ZIC4: variants seen among roughly 807,000 people sequenced by gnomAD.
ZIC4 encodes Zic family zinc finger 4.
In ZIC4, 15 loss-of-function variants were observed where a neutral mutation model predicts 28.8. The observed-to-expected ratio is 0.52, with a 90% CI of 0.35 to 0.80. ZIC4 has a LOEUF of 0.80. ZIC4 is among the 30% of genes least tolerant of loss of function. ZIC4 has a pLI of 0.01. For missense variants in ZIC4, 512 were observed against 467.1 expected, an observed-to-expected ratio of 1.10 and a Z score of -0.89; for synonymous variants, 220 against 198.1, an observed-to-expected ratio of 1.11 and a Z score of -0.93.
chr3:147,400,662 G>GCTT (rs2087146709), intron 2 of ZIC4, among the ~76,000 whole-genome samples: 8 of 152,336 alleles, frequency 5.3e-5, no homozygotes, highest in African/African-American at 1.9e-4. Context: ...ATTACATAAG[G>GCTT]ATCTTCAAGG....
Position 147,395,939 on chromosome 3 carries a change from C to T in ZIC4, c.601G>A (p.Glu201Lys), listed in dbSNP as rs1245856033. ...GGGAAAGGACAAGGGAAGGGCTTCT[C>T]GCCCGTGTGCACGCGGATGTGATTT... is the stretch of plus-strand genomic sequence containing the variant. Reference protein sequence around the residue: ...LVNHIRVHTGEKPFPCPFPGC... With the variant: ...LVNHIRVHTGKKPFPCPFPGC... Residue 201 changes from glutamate to lysine, a missense_variant, in exon 3 of 5, where the codon GAG becomes AAG. This residue lies in a region of ZIC4 where 58 missense variants were observed against 93.8 expected (regional missense o/e 0.62). Coordinates refer to ENST00000383075, the MANE Select transcript of ZIC4 (RefSeq NM_032153.6). 6.2e-7 allele frequency: 1 copy of T among 1,614,118 alleles called. No homozygotes were observed. Among genetic ancestry groups the T allele is most frequent in the Non-Finnish European group, 8.5e-7 (1 of 1,180,058 alleles).
intron 2 of ZIC4, among the ~76,000 whole-genome samples, chr3:147,398,011 G>A (rs1455085256): frequency 6.6e-6 from 1 of 152,096 alleles, no homozygotes; most frequent in Non-Finnish European, 1.5e-5. Context: ...CCTGACCAGG[G>A]ACGGGATTAG....
intron 3 of ZIC4, 167 bp from the exon 4 acceptor site, chr3:147,391,413 GA>G: frequency 1.2e-6 from 1 of 855,362 alleles, no homozygotes; most frequent in Non-Finnish European, 1.7e-6. Flanking sequence ...CTCGTGCAGA[GA>G]GCGCCCCCGG....
chr3:147,389,859 C>A lies in ZIC4; in HGVS notation c.*-1000G>T, dbSNP rs529584081. ...CGAATTGACGCAATTCACCCAGACACGGCCGCCTAGGTCAGGTCTCTCCAC... is the reference window on the plus strand; with the variant it reads ...CGAATTGACGCAATTCACCCAGACAAGGCCGCCTAGGTCAGGTCTCTCCAC... On this transcript the variant is annotated intron_variant, in intron 4 of 4. Transcript: ENST00000383075. 8.5e-5 allele frequency among the ~76,000 whole-genome samples: 13 copies of A among 152,272 alleles called. No individual in the cohort carries two copies. The South Asian group carries it at 2.5e-3, about 29-fold the overall frequency.
chr3:147,403,948 A>AG (rs1288943654), intron 1 of ZIC4: 2 of 1,534,976 alleles, frequency 1.3e-6, no homozygotes, highest in East Asian at 2.4e-5. Context: ...CCTAGGAGGC[A>AG]GGGGGGTAGA....
At position 147,403,196 on chromosome 3, in the gene ZIC4, T is replaced by G. The variant is rs570786555; in HGVS notation, c.-15-384A>C. The stretch of plus-strand genomic sequence containing the variant: ...TTTTCAGAAGTTTATTAACTGAAAT[T>G]TAGTGAGGTGTGGTGGGGAGAGCCT... On this transcript the variant is annotated intron_variant, in intron 1 of 4. Coordinates refer to ENST00000383075, the MANE Select transcript of ZIC4 (RefSeq NM_032153.6). 2.6e-5 allele frequency among the ~76,000 whole-genome samples: 4 copies of G among 152,268 alleles called. No individual in the cohort carries two copies. In the South Asian group the frequency reaches 8.3e-4, roughly 32 times the overall value.
chr3:147,391,930 C>T (rs2086931136), intron 3 of ZIC4: 2 of 980,802 alleles, frequency 2.0e-6, no homozygotes, highest in Non-Finnish European at 2.4e-6. Context: ...TCCTTCTACC[C>T]CCTGAGGGCA....
chr3:147,405,826 C>T (rs760350465), intron 1 of ZIC4: 1 of 334,016 alleles, frequency 3.0e-6, no homozygotes, highest in Non-Finnish European at 5.6e-6. Flanking sequence ...TTGCTGCCAT[C>T]TGGGCTAACT....
intron 3 of ZIC4, among the ~76,000 whole-genome samples, chr3:147,394,107 AT>A (rs1003870287): frequency 5.7e-4 from 85 of 148,698 alleles, no homozygotes; most frequent in African/African-American, 7.8e-4. Flanking sequence ...TTTGAGAAAT[AT>A]TTTTTTTCCC....
intron 1 of ZIC4, chr3:147,405,756 G>T (rs1576466450): frequency 2.0e-6 from 1 of 492,712 alleles, no homozygotes. Context: ...GCAAGGAGCC[G>T]CCCTGAGGTG....
At chr3:147,395,738 G>A in intron 3 of ZIC4, 114 bp downstream of exon 3, 3 of 1,482,144 alleles carry the variant, frequency 2.0e-6, no homozygotes, top group Non-Finnish European at 1.8e-6. Context: ...CTTGGCTCAT[G>A]GAAACAACCC....
rs950643564 is a variant in ZIC4 at position 147,387,862 on chromosome 3, A to G, written c.*997T>C. 8 of 152,294 alleles carry G rather than the reference A, an allele frequency of 5.3e-5. No individual in the cohort carries two copies. The highest frequency in any genetic ancestry group is 9.7e-5 in the African/African-American group (4 of 41,448). The allele number at this position is 152,294 out of a possible 1,614,324, so 9.4% of individuals were successfully genotyped here. On this transcript the variant is annotated 3_prime_UTR_variant, in exon 5 of 5. Coordinates refer to ENST00000383075, the MANE Select transcript of ZIC4 (RefSeq NM_032153.6). ...CCCCAGGGTGGCTCCCTTCCCCCCA[A>G]GTCGCCATTAAATTTAAGCCTCCAT...
At chr3:147,397,211 AAT>A (rs1217366978) in intron 2 of ZIC4, 4 of 152,066 alleles carry the variant, frequency 2.6e-5, no homozygotes, top group Non-Finnish European at 5.9e-5. Context: ...TTAGGAAGTC[AAT>A]AGAGATTCAG....
Position 147,396,730 on chromosome 3 carries a change from G to A in ZIC4, c.71-261C>T, listed in dbSNP as rs1041033824. The A allele has an allele frequency of 1.4e-5, 6 of 430,656 alleles. No individual in the cohort carries two copies. The South Asian group carries it at 3.1e-4, about 22-fold the overall frequency. The allele number at this position is 430,656 out of a possible 1,614,324, so 26.7% of individuals were successfully genotyped here. A position where few individuals can be genotyped will look rare whatever the true frequency, so the allele number is the denominator to read the frequency against. ...GAGGGATGGTAGCGGCAGAGTAGAT[G>A]TAAGGGGTAATGGAAGGCGCAGGGC... On this transcript the variant is annotated intron_variant, in intron 2 of 4. Coordinates refer to ENST00000383075, the MANE Select transcript of ZIC4 (RefSeq NM_032153.6). The surrounding 1 kb of genome is among the most constrained non-coding windows in gnomAD (Gnocchi z 4.2).
intron 2 of ZIC4, among the ~76,000 whole-genome samples, chr3:147,398,609 G>A (rs1361092689): frequency 6.6e-6 from 1 of 152,104 alleles, no homozygotes; most frequent in Admixed American, 6.5e-5. Flanking sequence ...CTGCTGGCCG[G>A]GACTCCTGCC....
Position 147,396,573 on chromosome 3 carries a change from G to T in ZIC4, c.71-104C>A, listed in dbSNP as rs915901852. ...CCAGCCCTGCCGCACTACGGCCTCT[G>T]CAGTCAGCCGTGGAACTCAGAGCCA... On this transcript the variant is annotated intron_variant, in intron 2 of 4. Transcript: ENST00000383075. This position sits in a 1 kb window ranked among gnomAD's most constrained non-coding sequence, Gnocchi z 4.2. The T allele has an allele frequency of 6.5e-6, 9 of 1,379,562 alleles. No individual in the cohort carries two copies. The African/African-American group carries it at 1.0e-4, about 16-fold the overall frequency. The allele number at this position is 1,379,562 out of a possible 1,614,324, so 85.5% of individuals were successfully genotyped here. A position where few individuals can be genotyped will look rare whatever the true frequency, so the allele number is the denominator to read the frequency against.
At chr3:147,395,312 G>A (rs1410884821) in intron 3 of ZIC4, among the ~76,000 whole-genome samples, 2 of 152,194 alleles carry the variant, frequency 1.3e-5, no homozygotes, top group Non-Finnish European at 2.9e-5. Context: ...AAGCGAAAGT[G>A]AGGGTCCACC....
chr3:147,393,771 C>A (rs1039525895), intron 3 of ZIC4: 2 of 405,196 alleles, frequency 4.9e-6, no homozygotes, highest in Non-Finnish European at 9.9e-6. Context: ...GAGCTCCCGG[C>A]CCCGGCCGAG....
intron 4 of ZIC4, 82 bp downstream of exon 4, chr3:147,390,849 A>G (rs1231333345): frequency 3.3e-5 from 49 of 1,476,350 alleles, no homozygotes; most frequent in Non-Finnish European, 4.2e-5. Flanking sequence ...CGGCGGCGGC[A>G]GCAGCAGGGC....
Sources: gnomAD v4.1 joint callset for allele counts (sites outside exome capture counted in the v4.1 genomes callset) on GRCh38, gnomAD v4.1.1 for gene constraint, gnomAD v4.1.1 regional missense constraint, Gnocchi (gnomAD v3.1) non-coding constraint, MANE v1.5 for transcripts, NCBI Gene and HGNC (gene_info 2026-07-23, HGNC 2026-07-21) for gene names.